The following VAC14 variants were observed in gnomAD, a reference collection of about 807,000 sequenced individuals.
VAC14 encodes the protein protein VAC14 homolog.
In VAC14, 47 loss-of-function variants were observed where a neutral mutation model predicts 85.3. The observed-to-expected ratio is 0.55, with a 90% confidence interval of 0.44 to 0.70. The LOEUF is 0.70. Ranked by LOEUF, VAC14 falls within the 30% of genes least tolerant of loss-of-function variation. The probability of loss-of-function intolerance (pLI) is 0.00; values close to 1 mark genes in which losing one functional copy is unlikely to be tolerated. For synonymous variants in VAC14, 447 were observed against 430.5 expected (o/e 1.04, Z -0.47); for missense variants, 861 against 1,004.3 (o/e 0.86, Z 1.93).
At chr16:70,744,390 C>T in intron 13 of VAC14, 33 bp downstream of exon 13, 1 of 1,613,212 alleles carries the variant, frequency 6.2e-7, no homozygotes, top group Non-Finnish European at 8.5e-7. Context: ...GCACTAAGGC[C>T]CCTGAGGCTA....
chr16:70,743,719 C>T (rs1377772011), intron 13 of VAC14, among the ~76,000 whole-genome samples: 1 of 152,252 alleles, frequency 6.6e-6, no homozygotes. Context: ...CATGGGCCAA[C>T]TAGGAGCCCT....
At chr16:70,761,336 G>C (rs1343634808) in intron 12 of VAC14, 1 of 251,746 alleles carries the variant, frequency 4.0e-6, no homozygotes, top group Non-Finnish European at 7.9e-6. Flanking sequence ...GTTGATTCAC[G>C]AGCTGGCTGC....
Position 70,798,070 on chromosome 16 carries a change from G to A in VAC14, c.104+2727C>T, listed in dbSNP as rs376760857. The stretch of plus-strand genomic sequence containing the variant: ...ACAACATTAGCTCAAACAACTCTAT[G>A]CATATTATTATTATGCTCTTTTTAC... On this transcript the variant is annotated intron_variant, in intron 1 of 18. Transcript: ENST00000261776. Among the ~76,000 whole-genome samples the A allele has an allele frequency of 3.4e-4, 52 of 152,294 alleles. 1 individual carries two copies. The South Asian group carries it at 0.011, about 31-fold the overall frequency.
intron 12 of VAC14, chr16:70,744,780 C>A (rs2030709481): frequency 3.6e-6 from 2 of 555,026 alleles, no homozygotes; most frequent in South Asian, 6.0e-5. Flanking sequence ...GAAGGGAACA[C>A]AGACTACAGT....
chr16:70,740,027 C>G (rs2030111961), intron 13 of VAC14, among the ~76,000 whole-genome samples: 1 of 151,146 alleles, frequency 6.6e-6, no homozygotes, highest in African/African-American at 2.4e-5. Flanking sequence ...GTGGTGTGAT[C>G]TCGGCTCTCT....
chr16:70,760,098 C>T (rs1005810872), intron 12 of VAC14, among the ~76,000 whole-genome samples: 4 of 152,170 alleles, frequency 2.6e-5, no homozygotes, highest in Admixed American at 1.3e-4. Context: ...ACCTGTGCCG[C>T]GGGGCTGCCT....
rs1393945015 is a variant in VAC14, at chr16:70,800,981, G to C, written c.-81C>G. 7 of 1,008,936 alleles carry C rather than the reference G, an allele frequency of 6.9e-6. No homozygotes were observed. The highest frequency in any genetic ancestry group is 3.4e-5 in the African/African-American group (2 of 58,270). The allele number at this position is 1,008,936 out of a possible 1,614,324, so 62.5% of individuals were successfully genotyped here. On this transcript the variant is annotated 5_prime_UTR_variant, in exon 1 of 19. Coordinates refer to ENST00000261776, the MANE Select transcript of VAC14 (RefSeq NM_018052.5). ...CGGGGCCAGGGGAGTCTGCGGCTCC[G>C]CTCTGCCCCCGGCGCCGGCGCATGG...
chr16:70,721,834 G>A (rs944907517), intron 14 of VAC14, among the ~76,000 whole-genome samples: 6 of 152,150 alleles, frequency 3.9e-5, no homozygotes, highest in Non-Finnish European at 7.3e-5. Flanking sequence ...GATAGCACGT[G>A]TCCTCTGGGC....
chr16:70,720,434 G>A (rs1327753089), intron 14 of VAC14, among the ~76,000 whole-genome samples: 2 of 152,222 alleles, frequency 1.3e-5, no homozygotes, highest in African/African-American at 4.8e-5. Flanking sequence ...CATCTGGGGT[G>A]CTGAAGCATG....
Position 70,691,709 on chromosome 16 carries a change from C to T in VAC14, c.2186+1112G>A, listed in dbSNP as rs2053599439. The T allele has an allele frequency of 9.1e-6, 9 of 985,312 alleles. No individual in the cohort carries two copies. The South Asian group carries it at 2.8e-4, about 31-fold the overall frequency. 61.0% of individuals were successfully genotyped at this position (985,312 alleles called of 1,614,324 possible). A position where few individuals can be genotyped will look rare whatever the true frequency, so the allele number is the denominator to read the frequency against. ...CACGAGCCGGTCTTGGTTGGGGCCA[C>T]ACTTTCTAGGGGTTCAGCCTCTCCA... is the stretch of plus-strand genomic sequence containing the variant. On this transcript the variant is annotated intron_variant, in intron 18 of 18. Transcript: ENST00000261776.
intron 9 of VAC14, among the ~76,000 whole-genome samples, chr16:70,780,075 G>A (rs2033734462): frequency 6.7e-6 from 1 of 149,438 alleles, no homozygotes; most frequent in Non-Finnish European, 1.5e-5. Context: ...GCCCAGGCTG[G>A]TCTCAAACTC....
At position 70,734,735 on chromosome 16, in the gene VAC14, G is replaced by C. The variant is rs1167183380; in HGVS notation, c.1529-3108C>G. Among the ~76,000 whole-genome samples, 4 of 151,474 alleles carry C rather than the reference G, an allele frequency of 2.6e-5. No homozygotes were observed. In the South Asian group the frequency reaches 6.3e-4, roughly 24 times the overall value. ...TTTATTGAGCACCTACTATGTGCTT[G>C]ACCTGCCTAAACCCTTCACACATAG... On this transcript the variant is annotated intron_variant, in intron 13 of 18. Coordinates refer to ENST00000261776, the MANE Select transcript of VAC14 (RefSeq NM_018052.5).
In VAC14 at chr16:70,745,529, G is replaced by A. The variant is rs112868313; in HGVS notation, c.1372-950C>T. Among the ~76,000 whole-genome samples the A allele has an allele frequency of 5.2e-3, 786 of 152,174 alleles. 6 individuals carry two copies. The highest frequency in any genetic ancestry group is 0.017 in the African/African-American group (713 of 41,504). On this transcript the variant is annotated intron_variant, in intron 12 of 18. Coordinates refer to ENST00000261776, the MANE Select transcript of VAC14 (RefSeq NM_018052.5). ...TGTGTGTGTGTGTGTGCGCGTGTGC[G>A]CGCGTGTGCCTGTGTGCATGCACCT... is the stretch of plus-strand genomic sequence containing the variant.
At chr16:70,766,667 C>T in intron 10 of VAC14, 1 of 356,908 alleles carries the variant, frequency 2.8e-6, no homozygotes, top group South Asian at 2.1e-5. Context: ...GGGCTGGAGA[C>T]ACTCTCCCTG....
intron 5 of VAC14, 129 bp downstream of exon 5, chr16:70,783,983 TA>T (rs2033933905): frequency 1.4e-6 from 1 of 724,310 alleles, no homozygotes; most frequent in Admixed American, 2.5e-5. Context: ...GTTTTTGAAT[TA>T]TCAGGTGTTA....
chr16:70,794,318 G>A (rs907679174), intron 1 of VAC14, among the ~76,000 whole-genome samples: 2 of 152,288 alleles, frequency 1.3e-5, no homozygotes, highest in Admixed American at 6.5e-5. Flanking sequence ...AGGCAAGCCC[G>A]AGTCTACTTT....
At position 70,698,776 on chromosome 16, in the gene VAC14, A is replaced by C; in HGVS notation, c.1697T>G (p.Phe566Cys). 6.2e-7 allele frequency: 1 copy of C among 1,614,144 alleles called. No homozygotes were observed. The highest frequency in any genetic ancestry group is 8.5e-7 in the Non-Finnish European group (1 of 1,180,018). Residue 566 changes from phenylalanine (F) to cysteine (C), a missense_variant, in exon 15 of 19, where the codon TTC (phenylalanine) becomes TGC (cysteine). Phe to Cys is a radical substitution (Grantham distance 205). Coordinates refer to ENST00000261776, the MANE Select transcript of VAC14 (RefSeq NM_018052.5). ...LCLLLNAENI[F>C]HSMADILLRE... ...CAGCAGGATGTCTGCCATTGAGTGG[A>C]AGATGTTCTCCGCATTCAGCAGGAG...
intron 14 of VAC14, among the ~76,000 whole-genome samples, chr16:70,703,261 C>T (rs1482223145): frequency 2.0e-5 from 3 of 152,250 alleles, no homozygotes; most frequent in Non-Finnish European, 2.9e-5. Flanking sequence ...TTCCAACACC[C>T]GCATGAAAAC....
intron 12 of VAC14, chr16:70,761,179 C>T (rs943345142): frequency 1.5e-5 from 7 of 455,932 alleles, no homozygotes; most frequent in Non-Finnish European, 2.6e-5. Context: ...CAAATTCAGG[C>T]TGCAGGACAG....
Sources: gnomAD v4.1 joint callset for allele counts (sites outside exome capture counted in the v4.1 genomes callset) on GRCh38, gnomAD v4.1.1 for gene constraint, MANE v1.5 for transcripts, NCBI Gene and HGNC (gene_info 2026-07-23, HGNC 2026-07-21) for gene names.